TRANK1: variants seen among roughly 807,000 people sequenced by gnomAD.
TRANK1 encodes the protein tetratricopeptide repeat and ankyrin repeat containing 1.
Under a neutral mutation model 266.0 loss-of-function variants are expected in TRANK1, and 198 were observed. The observed-to-expected ratio is 0.74, with a 90% confidence interval of 0.66 to 0.84. The LOEUF (loss-of-function observed/expected upper bound fraction) is 0.84, where lower values mean the gene tolerates loss of function less well. Among genes scored for constraint, TRANK1 ranks in the 40% least tolerant of loss-of-function variants. The pLI is 0.00. For missense variants in TRANK1, 3,326 were observed against 3,634.6 expected (o/e 0.92, Z 2.18); for synonymous variants, 1,396 against 1,384.1 (o/e 1.01, Z -0.19).
chr3:36,897,907 G>A (rs1226567548), intron 4 of TRANK1, among the ~76,000 whole-genome samples: 1 of 152,038 alleles, frequency 6.6e-6, no homozygotes, highest in Non-Finnish European at 1.5e-5. Flanking sequence ...GCCTGATCTG[G>A]GCCACCAACA....
Position 36,899,243 on chromosome 3 carries a change from C to G in TRANK1, c.299G>C (p.Gly100Ala), listed in dbSNP as rs927299482. The change falls in exon 4 of 24, where the codon GGT becomes GCT. Residue 100 changes from glycine (G) to alanine (A), a missense_variant. By Grantham distance (60) the Gly-to-Ala change is moderately conservative (BLOSUM62 0). Coordinates refer to ENST00000645898, the MANE Select transcript of TRANK1 (RefSeq NM_001329998.2). Reference sequence around the variant, plus strand: ...CTGGTGCAACCTCAGCAAGGAATAACCAGCTCGGTAGTATCCCTGGAACAG... The same window carrying G: ...CTGGTGCAACCTCAGCAAGGAATAAGCAGCTCGGTAGTATCCCTGGAACAG... The part of the protein sequence containing the change: ...PTYVKGYYRA[G>A]YSLLRLHQPY... The G allele has an allele frequency of 5.3e-5, 82 of 1,537,156 alleles. No individual in the cohort carries two copies. The highest frequency in any genetic ancestry group is 6.5e-5 in the Non-Finnish European group (75 of 1,146,920).
upstream of TRANK1, among the ~76,000 whole-genome samples, chr3:36,945,534 C>A (rs1033149388): frequency 6.6e-6 from 1 of 152,206 alleles, no homozygotes; most frequent in Non-Finnish European, 1.5e-5. Flanking sequence ...CCGCGGGCTG[C>A]TCCACGCTCA....
intron 1 of TRANK1, 93 bp from the exon 2 acceptor site, chr3:36,908,547 G>C: frequency 8.1e-7 from 1 of 1,231,252 alleles, no homozygotes; most frequent in Non-Finnish European, 1.0e-6. Flanking sequence ...GAAGGAGTTC[G>C]CTCACTATGG....
At chr3:36,937,573 G>A (rs868799348) in intron 1 of TRANK1, among the ~76,000 whole-genome samples, 1 of 152,148 alleles carries the variant, frequency 6.6e-6, no homozygotes, top group African/African-American at 2.4e-5. Flanking sequence ...ATCAGAAAAG[G>A]GGCCTTTAAA....
chr3:36,856,391 T>G lies in TRANK1; in HGVS notation c.3331A>C (p.Lys1111Gln). 1 of 1,602,046 alleles carries G rather than the reference T, an allele frequency of 6.2e-7. No homozygotes were observed. Among genetic ancestry groups the G allele is most frequent in the Non-Finnish European group, 8.5e-7 (1 of 1,173,934 alleles). ...AACCTTCTCTTCAGCCAGACCTGTT[T>G]GGCCAGCAATGGGCTTCCTGCCTGC... Reference protein sequence around the residue: ...AEQAGSPLLAKQVWLKRRLEV... With the variant: ...AEQAGSPLLAQQVWLKRRLEV... Residue 1111 changes from lysine (K) to glutamine (Q), a missense_variant, in exon 13 of 24, where the codon AAA becomes CAA. Physicochemically the swap from Lys to Gln is moderately conservative, Grantham distance 53 (BLOSUM62 1). Coordinates refer to ENST00000645898, the MANE Select transcript of TRANK1 (RefSeq NM_001329998.2).
chr3:36,934,509 C>T lies in TRANK1; in HGVS notation c.23+10278G>A, dbSNP rs571347175. Among the ~76,000 whole-genome samples the T allele has an allele frequency of 3.2e-3, 489 of 152,190 alleles. 4 individuals are homozygous for T. In the South Asian group the frequency reaches 0.045, roughly 14 times the overall value. ...AGGGAAGCAAGGAAAAGTGACCTGCCTGTTTCATCCTTCTCTACAGCTGCA... is the reference window on the plus strand; with the variant it reads ...AGGGAAGCAAGGAAAAGTGACCTGCTTGTTTCATCCTTCTCTACAGCTGCA... On this transcript the variant is annotated intron_variant, in intron 1 of 23. Transcript: ENST00000645898.
chr3:36,928,841 C>A (rs994685764), intron 1 of TRANK1, among the ~76,000 whole-genome samples: 3 of 151,982 alleles, frequency 2.0e-5, no homozygotes, highest in African/African-American at 7.3e-5. Context: ...CTGGTTTGGG[C>A]AAATTCACTA....
chr3:36,886,075 A>G (rs970201407), intron 8 of TRANK1, among the ~76,000 whole-genome samples: 2 of 147,552 alleles, frequency 1.4e-5, no homozygotes, highest in Admixed American at 6.7e-5. Context: ...GTGGCAGCCT[A>G]TGTTGACATC....
At chr3:36,838,260 T>A in intron 20 of TRANK1, 112 bp downstream of exon 20, 2 of 1,485,444 alleles carry the variant, frequency 1.3e-6, no homozygotes, top group South Asian at 1.3e-5. Flanking sequence ...AGTGTCTCCC[T>A]CCTTGGAAGA....
chr3:36,847,723 G>A (rs377204155), intron 15 of TRANK1, among the ~76,000 whole-genome samples: 11 of 152,300 alleles, frequency 7.2e-5, no homozygotes, highest in Non-Finnish European at 1.2e-4. Context: ...AGGGTCAGCC[G>A]TTAAGATACA....
chr3:36,924,240 GC>G (rs1317122032), intron 1 of TRANK1, among the ~76,000 whole-genome samples: 3 of 152,148 alleles, frequency 2.0e-5, no homozygotes, highest in African/African-American at 7.2e-5. Flanking sequence ...CAGCGTTAAG[GC>G]CCCTAGCAGC....
At chr3:36,843,711 A>G (rs2078879131) in intron 17 of TRANK1, among the ~76,000 whole-genome samples, 2 of 152,146 alleles carry the variant, frequency 1.3e-5, no homozygotes, top group African/African-American at 4.8e-5. Flanking sequence ...CAGACAAATC[A>G]GAGCTGAAGG....
chr3:36,925,749 C>T lies in TRANK1; in HGVS notation c.24-17295G>A, dbSNP rs1465862421. Reference sequence around the variant, plus strand: ...GGGACTACAGGCACACACCACCACACCCAGCTAATTTTTGTATTTTGAGAT... The same window carrying T: ...GGGACTACAGGCACACACCACCACATCCAGCTAATTTTTGTATTTTGAGAT... On this transcript the variant is annotated intron_variant, in intron 1 of 23. Transcript: ENST00000645898. Among the ~76,000 whole-genome samples, 11 of 152,206 alleles carry T rather than the reference C, an allele frequency of 7.2e-5. No homozygotes were observed. In the East Asian group the frequency reaches 1.7e-3, roughly 24 times the overall value.
intron 20 of TRANK1, among the ~76,000 whole-genome samples, 189 bp from the exon 21 acceptor site, chr3:36,835,096 G>A (rs1035695385): frequency 5.9e-5 from 9 of 151,858 alleles, no homozygotes; most frequent in African/African-American, 2.2e-4. Context: ...GAGGCGGGCG[G>A]ATCACGAGGT....
intron 7 of TRANK1, 130 bp downstream of exon 7, chr3:36,892,072 A>G: frequency 8.7e-7 from 1 of 1,147,312 alleles, no homozygotes; most frequent in Non-Finnish European, 1.2e-6. Flanking sequence ...CATTTGAATA[A>G]TCAGATCATT....
intron 1 of TRANK1, among the ~76,000 whole-genome samples, chr3:36,932,701 A>G (rs573243300): frequency 1.6e-4 from 25 of 152,294 alleles, no homozygotes; most frequent in Admixed American, 1.4e-3. Flanking sequence ...TTAAGGATGT[A>G]TGTGTGTGTG....
In TRANK1 at chr3:36,856,362, T is replaced by C. The variant is rs2079054118; in HGVS notation, c.3360A>G (p.Glu1120=). 1 of 1,582,834 alleles carries C rather than the reference T, an allele frequency of 6.3e-7. No individual in the cohort carries two copies. Among genetic ancestry groups the C allele is most frequent in the Admixed American group, 1.9e-5 (1 of 53,622 alleles). The change falls in exon 13 of 24, where the codon GAA becomes GAG. Residue 1120 remains glutamate (E), a synonymous_variant. Coordinates refer to ENST00000645898, the MANE Select transcript of TRANK1 (RefSeq NM_001329998.2). The stretch of plus-strand genomic sequence containing the variant: ...CTGGACTCTCTTTTCCGGGTTCCAC[T>C]TCCAACCTTCTCTTCAGCCAGACCT... The part of the protein sequence containing the change: ...AKQVWLKRRL[E]VEPGKESPGG...
chr3:36,944,816 G>A lies in TRANK1; in HGVS notation c.-7C>T, dbSNP rs2080550020. On this transcript the variant is annotated 5_prime_UTR_variant, in exon 1 of 24. Transcript: ENST00000645898. ...CTGCCCGCGGGTCCCACATGGCTGCGGCCGGAGGGTCCGCACCAGGACCGC... is the reference window on the plus strand; with the variant it reads ...CTGCCCGCGGGTCCCACATGGCTGCAGCCGGAGGGTCCGCACCAGGACCGC... The A allele has an allele frequency of 6.7e-7, 1 of 1,488,914 alleles. No homozygotes were observed. The highest frequency in any genetic ancestry group is 8.9e-7 in the Non-Finnish European group (1 of 1,126,470). The allele number at this position is 1,488,914 out of a possible 1,614,324, so 92.2% of individuals were successfully genotyped here. A position where few individuals can be genotyped will look rare whatever the true frequency, so the allele number is the denominator to read the frequency against.
intron 10 of TRANK1, among the ~76,000 whole-genome samples, chr3:36,862,023 A>C (rs148892868): frequency 7.9e-5 from 12 of 152,330 alleles, no homozygotes; most frequent in Non-Finnish European, 1.3e-4. Flanking sequence ...AAAACATTTT[A>C]ACAGATCTTC....
Sources: gnomAD v4.1 joint callset for allele counts (sites outside exome capture counted in the v4.1 genomes callset) on GRCh38, gnomAD v4.1.1 for gene constraint, MANE v1.5 for transcripts, NCBI Gene and HGNC (gene_info 2026-07-23, HGNC 2026-07-21) for gene names.